Variants in CYP7B1 observed in about 807,000 individuals in gnomAD.
The protein encoded by CYP7B1 is cytochrome P450 7B1.
CYP7B1 carries 29 observed loss-of-function variants against 42.7 expected under a neutral mutation model. The observed-to-expected ratio is 0.68, with a 90% confidence interval of 0.51 to 0.93. CYP7B1 has a LOEUF of 0.93. Ranked by LOEUF, CYP7B1 falls within the 40% of genes least tolerant of loss-of-function variation. The pLI is 0.00. For missense variants in CYP7B1, 655 were observed against 600.5 expected (o/e 1.09, Z -0.95); for synonymous variants, 235 against 218.2 (o/e 1.08, Z -0.68).
intron 1 of CYP7B1, among the ~76,000 whole-genome samples, chr8:64,795,910 T>C (rs529255158): frequency 3.3e-5 from 5 of 152,330 alleles, no homozygotes; most frequent in African/African-American, 1.2e-4. Context: ...AGAGGTGGAA[T>C]TGGTAAGTGT....
At chr8:64,777,024 C>A (rs1011274664) in intron 1 of CYP7B1, among the ~76,000 whole-genome samples, 1 of 151,970 alleles carries the variant, frequency 6.6e-6, no homozygotes. Flanking sequence ...TCATATCAAA[C>A]TTATACTAAA....
chr8:64,682,214 GAGTAATAGGGTGC>G (rs1412685441), intron 1 of CYP7B1, among the ~76,000 whole-genome samples: 2 of 152,180 alleles, frequency 1.3e-5, no homozygotes, highest in East Asian at 3.9e-4. Context: ...AACACTGCCA[GAGTAATAGGGTGC>G]AGTTTGGCTG....
chr8:64,791,165 A>T (rs1804611144), intron 1 of CYP7B1, among the ~76,000 whole-genome samples: 1 of 152,196 alleles, frequency 6.6e-6, no homozygotes, highest in Non-Finnish European at 1.5e-5. Flanking sequence ...ATGAGACAAT[A>T]AATTTCTATT....
chr8:64,690,498 C>T (rs1240086646), intron 1 of CYP7B1, among the ~76,000 whole-genome samples: 2 of 152,134 alleles, frequency 1.3e-5, no homozygotes, highest in Non-Finnish European at 2.9e-5. Flanking sequence ...TTACAGCCTT[C>T]TTTGAAGCCA....
At chr8:64,631,179 C>T (rs894235372) in intron 1 of CYP7B1, among the ~76,000 whole-genome samples, 2 of 151,996 alleles carry the variant, frequency 1.3e-5, no homozygotes, top group Non-Finnish European at 2.9e-5. Flanking sequence ...AACATAGATG[C>T]ACAAATTCTC....
At chr8:64,626,094 T>A (rs925083091) in intron 1 of CYP7B1, among the ~76,000 whole-genome samples, 3 of 152,168 alleles carry the variant, frequency 2.0e-5, no homozygotes, top group African/African-American at 7.2e-5. Context: ...TCATGCAATT[T>A]CTCATTTTTA....
chr8:64,728,734 A>G (rs926402588), intron 1 of CYP7B1: 1 of 152,254 alleles, frequency 6.6e-6, no homozygotes, highest in Non-Finnish European at 1.5e-5. Flanking sequence ...ATTATCAAAC[A>G]CTTCTAGAAA....
At chr8:64,678,786 A>G (rs1806489647) in intron 1 of CYP7B1, among the ~76,000 whole-genome samples, 1 of 152,104 alleles carries the variant, frequency 6.6e-6, no homozygotes, top group African/African-American at 2.4e-5. Flanking sequence ...ATGGGATCCT[A>G]TCCACATGGG....
chr8:64,779,964 T>A (rs1254714295), intron 1 of CYP7B1, among the ~76,000 whole-genome samples: 1 of 152,176 alleles, frequency 6.6e-6, no homozygotes, highest in Non-Finnish European at 1.5e-5. Context: ...TGTACTGTTA[T>A]ACATATTTTT....
intron 1 of CYP7B1, among the ~76,000 whole-genome samples, chr8:64,732,454 C>T (rs921031528): frequency 1.3e-5 from 2 of 152,146 alleles, no homozygotes; most frequent in Non-Finnish European, 2.9e-5. Context: ...AATGCCTGTA[C>T]CCCCATTGTA....
At chr8:64,671,989 G>T (rs1450773542) in intron 1 of CYP7B1, among the ~76,000 whole-genome samples, 2 of 152,122 alleles carry the variant, frequency 1.3e-5, no homozygotes, top group African/African-American at 4.8e-5. Flanking sequence ...AGATTGGGTG[G>T]TCAGGGAAGG....
intron 1 of CYP7B1, among the ~76,000 whole-genome samples, chr8:64,741,327 A>T (rs1025574800): frequency 4.0e-5 from 6 of 148,348 alleles, no homozygotes; most frequent in Admixed American, 1.3e-4. Context: ...AGATTTGAAC[A>T]TTTTTTTTTT....
At chr8:64,589,857 T>C (rs558046986), downstream of CYP7B1, 19 of 152,350 alleles carry the variant, frequency 1.2e-4, no homozygotes, top group East Asian at 3.7e-3. Context: ...GTAAGGGAAG[T>C]AAAATACTTC....
downstream of CYP7B1, chr8:64,589,905 T>A (rs79376019): frequency 6.6e-6 from 1 of 152,316 alleles, no homozygotes; most frequent in Non-Finnish European, 1.5e-5. Flanking sequence ...TTGTGTAGTC[T>A]GTGATACATC....
intron 1 of CYP7B1, among the ~76,000 whole-genome samples, chr8:64,767,983 G>A (rs1053924456): frequency 3.3e-5 from 5 of 152,120 alleles, no homozygotes; most frequent in Admixed American, 1.3e-4. Context: ...AAGAGCAGTC[G>A]TTGGCCAACC....
intron 1 of CYP7B1, among the ~76,000 whole-genome samples, chr8:64,730,751 G>GCACGCA (rs1554536385): frequency 7.0e-6 from 1 of 142,864 alleles, no homozygotes; most frequent in Non-Finnish European, 1.5e-5. Context: ...AGGACTGTCT[G>GCACGCA]CACACACACA....
intron 1 of CYP7B1, among the ~76,000 whole-genome samples, chr8:64,671,861 G>A (rs1282319050): frequency 1.3e-5 from 2 of 152,062 alleles, no homozygotes; most frequent in Non-Finnish European, 1.5e-5. Context: ...ATTTTTCCAG[G>A]GGAAAACTAA....
intron 2 of CYP7B1, among the ~76,000 whole-genome samples, chr8:64,623,647 G>T (rs1397771334): frequency 6.6e-6 from 1 of 152,120 alleles, no homozygotes; most frequent in Non-Finnish European, 1.5e-5. Context: ...TAGCAATTCT[G>T]CTGTTTTTTT....
Position 64,756,869 on chromosome 8 carries a change from G to C in CYP7B1, c.122+41597C>G, listed in dbSNP as rs534254428. On this transcript the variant is annotated intron_variant, in intron 1 of 5. Transcript: ENST00000310193. Reference sequence around the variant, plus strand: ...TCAAGCACTTACGGAAAATAACAGTGCATTTTCTAAGAACTTTCATCTTCA... The same window carrying C: ...TCAAGCACTTACGGAAAATAACAGTCCATTTTCTAAGAACTTTCATCTTCA... 5.3e-5 allele frequency among the ~76,000 whole-genome samples: 8 copies of C among 152,262 alleles called. No homozygotes were observed. In the East Asian group the frequency reaches 1.2e-3, roughly 22 times the overall value.
Sources: gnomAD v4.1 joint callset for allele counts (sites outside exome capture counted in the v4.1 genomes callset) on GRCh38, gnomAD v4.1.1 for gene constraint, MANE v1.5 for transcripts, NCBI Gene and HGNC (gene_info 2026-07-23, HGNC 2026-07-21) for gene names.